The following ADAM22 variants were observed in gnomAD, a reference collection of about 807,000 sequenced individuals.
ADAM22 encodes ADAM metallopeptidase domain 22.
A neutral mutation model predicts 144.6 loss-of-function variants in ADAM22; 65 were observed. The observed-to-expected ratio is 0.45, with a 90% CI of 0.37 to 0.55. The LOEUF (loss-of-function observed/expected upper bound fraction) is 0.55, where lower values mean the gene tolerates loss of function less well. ADAM22 is among the 20% of genes least tolerant of loss of function. The pLI, the probability that ADAM22 is intolerant of heterozygous loss-of-function variation, is 0.00. For missense variants in ADAM22, 974 were observed against 1,184.9 expected, an observed-to-expected ratio of 0.82 and a Z score of 2.61; for synonymous variants, 391 against 412.6, an observed-to-expected ratio of 0.95 and a Z score of 0.63.
chr7:88,069,039 G>T (rs1364629314), intron 3 of ADAM22, among the ~76,000 whole-genome samples: 1 of 152,058 alleles, frequency 6.6e-6, no homozygotes, highest in East Asian at 1.9e-4. Context: ...ACAGGCCTGG[G>T]ATTGGTGCCT....
chr7:88,130,733 G>T (rs1297297371), intron 10 of ADAM22, among the ~76,000 whole-genome samples: 2 of 152,072 alleles, frequency 1.3e-5, no homozygotes, highest in Non-Finnish European at 2.9e-5. Context: ...CCTAACAAAG[G>T]TATTCACAGT....
chr7:87,944,073 T>C (rs906144515), intron 2 of ADAM22, among the ~76,000 whole-genome samples: 3 of 152,226 alleles, frequency 2.0e-5, no homozygotes, highest in African/African-American at 4.8e-5. Flanking sequence ...AGACCACTTA[T>C]TCTGCTTCAC....
rs1033096345 is a variant in ADAM22, at chr7:87,972,739, A to G, written c.247-5597A>G. On this transcript the variant is annotated intron_variant, in intron 2 of 31. Transcript: ENST00000413139. ...ATGGTACTGGTACCAAAACAGAGGTATAGATCTATAGATCAATGGAACAGA... is the reference window on the plus strand; with the variant it reads ...ATGGTACTGGTACCAAAACAGAGGTGTAGATCTATAGATCAATGGAACAGA... 3.9e-5 allele frequency among the ~76,000 whole-genome samples: 6 copies of G among 152,354 alleles called. No homozygotes were observed. The South Asian group carries it at 1.0e-3, about 26-fold the overall frequency.
intron 29 of ADAM22, 161 bp downstream of exon 29, chr7:88,182,185 C>G (rs1847206275): frequency 1.6e-6 from 1 of 619,626 alleles, no homozygotes; most frequent in Non-Finnish European, 2.7e-6. Flanking sequence ...CATGGCTTTT[C>G]TCTCTTACAT....
chr7:88,125,775 G>A (rs758658590), intron 8 of ADAM22, 116 bp downstream of exon 8: 2 of 831,042 alleles, frequency 2.4e-6, no homozygotes, highest in African/African-American at 3.6e-5. Context: ...ATTTGTCAGG[G>A]TGTGATAAAC....
chr7:87,993,677 C>T (rs1243946853), intron 3 of ADAM22, among the ~76,000 whole-genome samples: 4 of 152,180 alleles, frequency 2.6e-5, no homozygotes, highest in Admixed American at 2.6e-4. Context: ...CTGTTGATTA[C>T]CTCTTCTCTG....
At chr7:88,025,014 G>T (rs928702083) in intron 3 of ADAM22, among the ~76,000 whole-genome samples, 5 of 151,086 alleles carry the variant, frequency 3.3e-5, no homozygotes, top group East Asian at 1.9e-4. Flanking sequence ...ATAAACATAC[G>T]TGTGCATGTG....
intron 18 of ADAM22, among the ~76,000 whole-genome samples, chr7:88,150,005 C>A (rs1471795993): frequency 6.6e-6 from 1 of 152,186 alleles, no homozygotes; most frequent in African/African-American, 2.4e-5. Context: ...CTTTCAATGT[C>A]ATGAGATATC....
chr7:88,121,581 G>A (rs1829316825), intron 7 of ADAM22, among the ~76,000 whole-genome samples: 1 of 152,146 alleles, frequency 6.6e-6, no homozygotes, highest in Non-Finnish European at 1.5e-5. Context: ...GCTCAACTGG[G>A]AAGGATTAGC....
intron 3 of ADAM22, among the ~76,000 whole-genome samples, chr7:88,042,094 T>C (rs1159729022): frequency 6.6e-6 from 1 of 152,056 alleles, no homozygotes; most frequent in East Asian, 1.9e-4. Context: ...ACTGTATTGT[T>C]TGCTGTACTG....
rs541034238 is a variant in ADAM22, at chr7:87,963,431, A to G, written c.247-14905A>G. ...TGAAAGTATTCATTTGCCTCAGAGC[A>G]ACAAGAAGTTTAAAAAAAACTATTA... is the stretch of plus-strand genomic sequence containing the variant. On this transcript the variant is annotated intron_variant, in intron 2 of 31. Transcript: ENST00000413139. Among the ~76,000 whole-genome samples, 9 of 152,356 alleles carry G rather than the reference A, an allele frequency of 5.9e-5. No homozygotes were observed. In the South Asian group the frequency reaches 1.9e-3, roughly 32 times the overall value.
At chr7:88,193,753 A>G (rs1384726032) in intron 31 of ADAM22, among the ~76,000 whole-genome samples, 2 of 152,242 alleles carry the variant, frequency 1.3e-5, no homozygotes, top group African/African-American at 4.8e-5. Flanking sequence ...GTTGCAAAAA[A>G]ATAAAATAAA....
intron 4 of ADAM22, among the ~76,000 whole-genome samples, chr7:88,091,830 C>T (rs1243296285): frequency 3.9e-5 from 6 of 152,032 alleles, no homozygotes; most frequent in South Asian, 2.1e-4. Context: ...TGTAATTCAC[C>T]GTCTCTTTTA....
chr7:88,054,208 ATATC>A (rs1222281989), intron 3 of ADAM22, among the ~76,000 whole-genome samples: 8 of 152,326 alleles, frequency 5.3e-5, no homozygotes, highest in African/African-American at 1.9e-4. Context: ...ATATAGGATT[ATATC>A]TATAGGATAA....
chr7:88,133,919 G>A (rs1832414527), intron 12 of ADAM22, among the ~76,000 whole-genome samples: 1 of 151,964 alleles, frequency 6.6e-6, no homozygotes, highest in Admixed American at 6.6e-5. Context: ...CCACTTGAGG[G>A]GAATTTCAGG....
chr7:88,048,729 A>G (rs180849819), intron 3 of ADAM22, among the ~76,000 whole-genome samples: 1 of 152,188 alleles, frequency 6.6e-6, no homozygotes, highest in Admixed American at 6.5e-5. Flanking sequence ...CTAAGTCTAG[A>G]AACACAGGAA....
chr7:87,957,044 T>C (rs1462019875), intron 2 of ADAM22, among the ~76,000 whole-genome samples: 8 of 152,198 alleles, frequency 5.3e-5, no homozygotes, highest in Non-Finnish European at 1.2e-4. Context: ...TCAGAGTCCT[T>C]TCTGTGATCT....
chr7:87,965,586 T>C (rs1848876979), intron 2 of ADAM22, among the ~76,000 whole-genome samples: 2 of 152,240 alleles, frequency 1.3e-5, no homozygotes, highest in African/African-American at 4.8e-5. Context: ...TATGGGATTT[T>C]GTACAACATT....
At chr7:88,138,270 A>G (rs1833526239) in intron 14 of ADAM22, among the ~76,000 whole-genome samples, 1 of 152,224 alleles carries the variant, frequency 6.6e-6, no homozygotes, top group Non-Finnish European at 1.5e-5. Context: ...ATTTCATACT[A>G]GAGATTCTTG....
Sources: gnomAD v4.1 joint callset for allele counts (sites outside exome capture counted in the v4.1 genomes callset) on GRCh38, gnomAD v4.1.1 for gene constraint, MANE v1.5 for transcripts, NCBI Gene and HGNC (gene_info 2026-07-23, HGNC 2026-07-21) for gene names.